The following ARHGAP32 variants were observed in gnomAD, a reference collection of about 807,000 sequenced individuals.
ARHGAP32 encodes the protein Rho GTPase activating protein 32, also known as rho GTPase-activating protein 32.
A neutral mutation model predicts 186.5 loss-of-function variants in ARHGAP32; 51 were observed. The ratio of observed to expected loss-of-function variants is 0.27; its 90% CI spans 0.22 to 0.35. The LOEUF is 0.35. ARHGAP32 is among the 10% of genes least tolerant of loss of function. The pLI is 1.00. For synonymous variants in ARHGAP32, 950 were observed against 964.3 expected (o/e 0.99, Z 0.27); for missense variants, 2,186 against 2,623.5 (o/e 0.83, Z 3.64).
At chr11:129,131,318 A>G (rs1305942169) in intron 2 of ARHGAP32, among the ~76,000 whole-genome samples, 1 of 152,188 alleles carries the variant, frequency 6.6e-6, no homozygotes, top group East Asian at 1.9e-4. Context: ...AATTAACAGT[A>G]AAAAGGTCAA....
chr11:128,986,257 C>T (rs1945869976), intron 14 of ARHGAP32, among the ~76,000 whole-genome samples, 172 bp from the exon 15 acceptor site: 1 of 152,176 alleles, frequency 6.6e-6, no homozygotes. Context: ...AGTGTGAACA[C>T]TGAGATCTAC....
chr11:129,080,595 G>A, intron 6 of ARHGAP32, among the ~76,000 whole-genome samples: 1 of 152,076 alleles, frequency 6.6e-6, no homozygotes. Context: ...TTTGGATACA[G>A]CACTAGTGGT....
chr11:129,230,258 C>T (rs879902525), intron 1 of ARHGAP32, among the ~76,000 whole-genome samples: 9 of 152,086 alleles, frequency 5.9e-5, no homozygotes, highest in Non-Finnish European at 1.3e-4. Flanking sequence ...ACTGCTTGGC[C>T]AATCCAAATT....
chr11:129,222,250 T>C (rs1944721907), intron 1 of ARHGAP32, among the ~76,000 whole-genome samples: 2 of 152,192 alleles, frequency 1.3e-5, no homozygotes, highest in Non-Finnish European at 2.9e-5. Flanking sequence ...CAAGTGATAA[T>C]TAACTTGGTC....
chr11:129,239,076 C>T (rs1032967243), intron 1 of ARHGAP32, among the ~76,000 whole-genome samples: 7 of 152,116 alleles, frequency 4.6e-5, no homozygotes, highest in Non-Finnish European at 8.8e-5. Context: ...TCTCAAACCC[C>T]TGGGCTCAAG....
At chr11:129,270,007 T>C (rs1008402165) in intron 1 of ARHGAP32, among the ~76,000 whole-genome samples, 9 of 151,896 alleles carry the variant, frequency 5.9e-5, no homozygotes, top group Non-Finnish European at 1.2e-4. Flanking sequence ...CGCAATCGCA[T>C]GCTTAGGTAT....
At chr11:129,194,261 C>T (rs970015403), upstream of ARHGAP32, among the ~76,000 whole-genome samples, 12 of 152,054 alleles carry the variant, frequency 7.9e-5, no homozygotes, top group Non-Finnish European at 1.5e-5. Context: ...ATCTCACTTT[C>T]ACAAGTAGAA....
intron 6 of ARHGAP32, among the ~76,000 whole-genome samples, chr11:129,091,246 T>G (rs899010202): frequency 3.9e-5 from 6 of 152,154 alleles, no homozygotes; most frequent in African/African-American, 1.4e-4. Flanking sequence ...CCATGCTGTA[T>G]CAGCTGTTTA....
intron 5 of ARHGAP32, among the ~76,000 whole-genome samples, chr11:129,118,018 AATT>A (rs1486418573): frequency 6.6e-6 from 1 of 152,048 alleles, no homozygotes; most frequent in Non-Finnish European, 1.5e-5. Flanking sequence ...CCCTTCTAGT[AATT>A]ATTTTTTTGT....
chr11:129,192,078 A>C lies in ARHGAP32; in HGVS notation c.116+5T>G, dbSNP rs1944282012. The C allele has an allele frequency of 1.2e-6, 2 of 1,605,924 alleles. No individual in the cohort carries two copies. Among genetic ancestry groups the C allele is most frequent in the Non-Finnish European group, 1.7e-6 (2 of 1,172,886 alleles). On this transcript the variant is annotated splice_donor_5th_base_variant and intron_variant, in intron 1 of 22. Coordinates refer to ENST00000682385, the MANE Select transcript of ARHGAP32 (RefSeq NM_001378024.1). ...GGACAAAGGAACTGTGAATTCCATAATCACCTGAACTTCTCTTCCCTTTCT... is the reference window on the plus strand; with the variant it reads ...GGACAAAGGAACTGTGAATTCCATACTCACCTGAACTTCTCTTCCCTTTCT...
chr11:129,249,381 G>C (rs754330515), intron 1 of ARHGAP32, among the ~76,000 whole-genome samples: 1 of 152,024 alleles, frequency 6.6e-6, no homozygotes, highest in Non-Finnish European at 1.5e-5. Context: ...CAACTCAGAA[G>C]TATCAATTCG....
chr11:129,051,420 T>C (rs936333769), intron 10 of ARHGAP32, among the ~76,000 whole-genome samples: 1 of 152,256 alleles, frequency 6.6e-6, no homozygotes, highest in African/African-American at 2.4e-5. Context: ...CTCTTATGTT[T>C]GTTGGTCACA....
At chr11:128,971,417 GC>G (rs1451972769) in intron 22 of ARHGAP32, 1 of 423,702 alleles carries the variant, frequency 2.4e-6, no homozygotes, top group African/African-American at 2.0e-5. Context: ...AGATGAGGTT[GC>G]CTATGGCATA....
At chr11:129,146,096 T>G (rs1234008470) in intron 2 of ARHGAP32, among the ~76,000 whole-genome samples, 1 of 152,090 alleles carries the variant, frequency 6.6e-6, no homozygotes, top group Non-Finnish European at 1.5e-5. Flanking sequence ...TGAATTAAAA[T>G]TCACTCATAA....
chr11:129,180,595 A>G (rs1333119808), intron 1 of ARHGAP32, among the ~76,000 whole-genome samples: 6 of 152,268 alleles, frequency 3.9e-5, no homozygotes, highest in Admixed American at 3.9e-4. Context: ...GAACCAACTC[A>G]ATAAGAAATT....
chr11:129,247,060 T>C (rs1334901237), intron 1 of ARHGAP32, among the ~76,000 whole-genome samples: 11 of 152,182 alleles, frequency 7.2e-5, no homozygotes, highest in Admixed American at 7.2e-4. Flanking sequence ...ACTGACATAG[T>C]AGCAAGTCTC....
intron 18 of ARHGAP32, 178 bp downstream of exon 18, chr11:128,980,375 T>G: frequency 2.2e-6 from 1 of 463,624 alleles, no homozygotes. Flanking sequence ...AAGAATCATT[T>G]GCATCATTCC....
At chr11:129,007,937 G>A (rs2134801448) in intron 11 of ARHGAP32, among the ~76,000 whole-genome samples, 1 of 152,186 alleles carries the variant, frequency 6.6e-6, no homozygotes, top group East Asian at 1.9e-4. Flanking sequence ...CTGTCTAAAT[G>A]GCCCCTCCAT....
intron 6 of ARHGAP32, among the ~76,000 whole-genome samples, chr11:129,081,346 G>C (rs979567946): frequency 5.9e-5 from 9 of 151,794 alleles, no homozygotes; most frequent in African/African-American, 2.2e-4. Flanking sequence ...CTGAAGAACA[G>C]ATGTAAAAAT....
Sources: gnomAD v4.1 joint callset for allele counts (sites outside exome capture counted in the v4.1 genomes callset) on GRCh38, gnomAD v4.1.1 for gene constraint, MANE v1.5 for transcripts, NCBI Gene and HGNC (gene_info 2026-07-23, HGNC 2026-07-21) for gene names.